SNRPD1: variants seen among roughly 807,000 people sequenced by gnomAD.
The protein encoded by SNRPD1 is small nuclear ribonucleoprotein D1 polypeptide, also known as small nuclear ribonucleoprotein Sm D1.
SNRPD1 carries 1 observed loss-of-function variant against 14.4 expected under a neutral mutation model. The ratio of observed to expected loss-of-function variants is 0.07; its 90% confidence interval spans 0.02 to 0.33. The LOEUF is 0.33. SNRPD1 is among the 10% of genes least tolerant of loss of function. The pLI, the probability that SNRPD1 is intolerant of heterozygous loss-of-function variation, is 1.00. For synonymous variants in SNRPD1, 42 were observed against 50.3 expected (o/e 0.83, Z 0.70); for missense variants, 52 against 146.4 (o/e 0.36, Z 3.33).
At chr18:21,621,974 G>A (rs1335380906) in intron 1 of SNRPD1, among the ~76,000 whole-genome samples, 2 of 152,098 alleles carry the variant, frequency 1.3e-5, no homozygotes, top group Non-Finnish European at 2.9e-5. Flanking sequence ...AATAAAATAT[G>A]ACCCAATTTA....
In SNRPD1 at chr18:21,625,224, C is replaced by A. The variant is rs533868679; in HGVS notation, c.283+1285C>A. ...CCGCCTCATATCATCTTACTCCACGCTTCTGAATCTTAGATTTTTCAGAAG... is the reference window on the plus strand; with the variant it reads ...CCGCCTCATATCATCTTACTCCACGATTCTGAATCTTAGATTTTTCAGAAG... On this transcript the variant is annotated intron_variant, in intron 3 of 3. Coordinates refer to ENST00000300413, the MANE Select transcript of SNRPD1 (RefSeq NM_006938.4). 2.0e-5 allele frequency among the ~76,000 whole-genome samples: 3 copies of A among 151,372 alleles called. No homozygotes were observed. The South Asian group carries it at 6.2e-4, about 31-fold the overall frequency.
chr18:21,626,183 G>A (rs969365806), intron 3 of SNRPD1, among the ~76,000 whole-genome samples: 1 of 151,422 alleles, frequency 6.6e-6, no homozygotes, highest in African/African-American at 2.4e-5. Flanking sequence ...GCCTGAACTC[G>A]GAAGTTCGAG....
intron 1 of SNRPD1, among the ~76,000 whole-genome samples, chr18:21,617,931 A>C (rs1374790517): frequency 1.3e-5 from 2 of 152,150 alleles, no homozygotes; most frequent in Admixed American, 1.3e-4. Flanking sequence ...ATGAGCTCAG[A>C]TTGAGATTGC....
rs1258604354 is a variant in SNRPD1, at chr18:21,630,867, C to T, written c.*1729C>T. Reference sequence around the variant, plus strand: ...ATATTAGTATACATGTAGAATGTACCTGTCATATATATTAGATATATAAAT... The same window carrying T: ...ATATTAGTATACATGTAGAATGTACTTGTCATATATATTAGATATATAAAT... On this transcript the variant is annotated 3_prime_UTR_variant, in exon 4 of 4. Coordinates refer to ENST00000300413, the MANE Select transcript of SNRPD1 (RefSeq NM_006938.4). 6.8e-6 allele frequency: 1 copy of T among 147,016 alleles called. No individual in the cohort carries two copies. Among genetic ancestry groups the T allele is most frequent in the African/African-American group, 2.5e-5 (1 of 40,188 alleles). The allele number at this position is 147,016 out of a possible 1,614,324, so 9.1% of individuals were successfully genotyped here. A position where few individuals can be genotyped will look rare whatever the true frequency, so the allele number is the denominator to read the frequency against.
chr18:21,614,047 C>T (rs1289833066), intron 1 of SNRPD1, among the ~76,000 whole-genome samples: 1 of 151,716 alleles, frequency 6.6e-6, no homozygotes, highest in Non-Finnish European at 1.5e-5. Flanking sequence ...CTGAGGCAGG[C>T]GGATCGCCTG....
intron 1 of SNRPD1, among the ~76,000 whole-genome samples, chr18:21,614,466 A>G (rs1243507980): frequency 1.3e-5 from 2 of 152,190 alleles, no homozygotes; most frequent in Non-Finnish European, 2.9e-5. Flanking sequence ...TATAGAAACA[A>G]ATTTTTTTTC....
chr18:21,624,066 T>G, intron 3 of SNRPD1, 127 bp downstream of exon 3: 1 of 642,904 alleles, frequency 1.6e-6, no homozygotes, highest in Non-Finnish European at 2.7e-6. Context: ...GTATGTATAG[T>G]AATTCTTGGT....
At position 21,622,722 on chromosome 18, in the gene SNRPD1, T is replaced by C. The variant is rs1191489559; in HGVS notation, c.15-3T>C. 7.0e-7 allele frequency: 1 copy of C among 1,419,876 alleles called. No individual in the cohort carries two copies. Among genetic ancestry groups the C allele is most frequent in the African/African-American group, 1.4e-5 (1 of 71,288 alleles). The allele number at this position is 1,419,876 out of a possible 1,614,324, so 88.0% of individuals were successfully genotyped here. On this transcript the variant is annotated splice_region_variant and splice_polypyrimidine_tract_variant and intron_variant, in intron 1 of 3. Transcript: ENST00000300413. ...GTAAAAATGGTTTTATTCCTATTTA[T>C]AGATTTTTGATGAAATTGAGTCATG...
At chr18:21,617,475 G>T (rs2038965967) in intron 1 of SNRPD1, among the ~76,000 whole-genome samples, 1 of 152,166 alleles carries the variant, frequency 6.6e-6, no homozygotes, top group Non-Finnish European at 1.5e-5. Flanking sequence ...TACTGCTCTA[G>T]TCACATAATT....
At chr18:21,622,848 A>G (rs765799107) in intron 2 of SNRPD1, 47 bp downstream of exon 2, 24 of 906,462 alleles carry the variant, frequency 2.6e-5, no homozygotes, top group Non-Finnish European at 4.3e-5. Context: ...CTTCTCTTTT[A>G]CCTAGCCAGA....
intron 1 of SNRPD1, among the ~76,000 whole-genome samples, 164 bp from the exon 2 acceptor site, chr18:21,622,561 G>A (rs1464784495): frequency 6.6e-6 from 1 of 152,210 alleles, no homozygotes; most frequent in African/African-American, 2.4e-5. Context: ...CATAAAGGTT[G>A]AGGATATAAT....
chr18:21,626,137 A>G (rs2039036556), intron 3 of SNRPD1, among the ~76,000 whole-genome samples: 1 of 152,084 alleles, frequency 6.6e-6, no homozygotes, highest in Admixed American at 6.6e-5. Flanking sequence ...TCATGCCTGT[A>G]ATCCCAGTAC....
rs1055360375 is a variant in SNRPD1, at chr18:21,630,422, T to G, written c.*1284T>G. 6.9e-6 allele frequency: 1 copy of G among 143,994 alleles called. No homozygotes were observed. The highest frequency in any genetic ancestry group is 2.5e-5 in the African/African-American group (1 of 39,536). The allele number at this position is 143,994 out of a possible 1,614,324, so 8.9% of individuals were successfully genotyped here. A position where few individuals can be genotyped will look rare whatever the true frequency, so the allele number is the denominator to read the frequency against. ...TCTGTATTTTCATCATGTATGTGAG[T>G]TTTTTTTTTTTTAAGTAAAGAAATT... is the stretch of plus-strand genomic sequence containing the variant. On this transcript the variant is annotated 3_prime_UTR_variant, in exon 4 of 4. Transcript: ENST00000300413.
chr18:21,626,133 C>CT (rs1744261074), intron 3 of SNRPD1, among the ~76,000 whole-genome samples: 1 of 151,964 alleles, frequency 6.6e-6, no homozygotes, highest in South Asian at 2.1e-4. Context: ...TGGCTCATGC[C>CT]TGTAATCCCA....
chr18:21,617,173 G>A (rs1422941277), intron 1 of SNRPD1, among the ~76,000 whole-genome samples: 1 of 151,798 alleles, frequency 6.6e-6, no homozygotes, highest in East Asian at 1.9e-4. Context: ...AACCATATAA[G>A]GCCAGGCTTG....
chr18:21,619,711 T>C (rs34202260), intron 1 of SNRPD1, among the ~76,000 whole-genome samples: 77,313 of 150,924 alleles, frequency 0.51, 23,006 homozygotes, highest in African/African-American at 0.82. Flanking sequence ...ACCCAAGAGG[T>C]GGAGGTTGCA....
At chr18:21,612,576 G>A in intron 1 of SNRPD1, 133 bp downstream of exon 1, 1 of 604,330 alleles carries the variant, frequency 1.7e-6, no homozygotes, top group Non-Finnish European at 2.8e-6. Context: ...CGGCCTTACT[G>A]CGCCCGCAGC....
At chr18:21,617,551 A>G (rs545045086) in intron 1 of SNRPD1, among the ~76,000 whole-genome samples, 6 of 152,292 alleles carry the variant, frequency 3.9e-5, no homozygotes, top group African/African-American at 1.4e-4. Context: ...CATTGGCCCT[A>G]GGTTCTCTTT....
rs564930909 is a variant in SNRPD1, at chr18:21,612,581, C to T, written c.14+138C>T. On this transcript the variant is annotated intron_variant, in intron 1 of 3. Coordinates refer to ENST00000300413, the MANE Select transcript of SNRPD1 (RefSeq NM_006938.4). ...TGCTAACGGCCGGCCTTACTGCGCC[C>T]GCAGCTCGTGCTCGGGCCTGGGCTT... 3.4e-5 allele frequency: 20 copies of T among 585,826 alleles called. No individual in the cohort carries two copies. The East Asian group carries it at 6.1e-4, about 18-fold the overall frequency. 36.3% of individuals were successfully genotyped at this position (585,826 alleles called of 1,614,324 possible).
Sources: gnomAD v4.1 joint callset for allele counts (sites outside exome capture counted in the v4.1 genomes callset) on GRCh38, gnomAD v4.1.1 for gene constraint, MANE v1.5 for transcripts, NCBI Gene and HGNC (gene_info 2026-07-23, HGNC 2026-07-21) for gene names.